The following SLC39A12 variants were observed in gnomAD, a reference collection of about 807,000 sequenced individuals.
SLC39A12 encodes the protein solute carrier family 39 member 12, also known as zinc transporter ZIP12.
In SLC39A12, 63 loss-of-function variants were observed where a neutral mutation model predicts 71.1. That is an observed-to-expected ratio of 0.89 (90% confidence interval 0.72 to 1.09). The LOEUF (loss-of-function observed/expected upper bound fraction) is 1.09. SLC39A12 is among the 50% of genes least tolerant of loss of function. SLC39A12 has a pLI of 0.00. For missense variants in SLC39A12, 892 were observed against 812.6 expected, an observed-to-expected ratio of 1.10 and a Z score of -1.19; for synonymous variants, 351 against 301.3, an observed-to-expected ratio of 1.16 and a Z score of -1.71.
intron 4 of SLC39A12, among the ~76,000 whole-genome samples, chr10:17,971,530 C>A (rs1182676578): frequency 2.0e-5 from 3 of 151,604 alleles, no homozygotes; most frequent in Non-Finnish European, 2.9e-5. Context: ...TTGGACTGTT[C>A]AGTTTTTGGA....
At chr10:17,997,990 T>C (rs1437325368) in intron 10 of SLC39A12, among the ~76,000 whole-genome samples, 1 of 152,214 alleles carries the variant, frequency 6.6e-6, no homozygotes, top group African/African-American at 2.4e-5. Flanking sequence ...ACTTGTCTTA[T>C]CTTCCACTAA....
In SLC39A12 at chr10:18,003,266, A is replaced by G. The variant is rs1306135886; in HGVS notation, c.1855A>G (p.Ile619Val). 1.2e-6 allele frequency: 2 copies of G among 1,614,010 alleles called. No individual in the cohort carries two copies. The highest frequency in any genetic ancestry group is 2.2e-5 in the East Asian group (1 of 44,876). Residue 619 changes from isoleucine (I) to valine (V), a missense_variant, in exon 12 of 13, where the codon ATT becomes GTT. Coordinates refer to ENST00000377369, the MANE Select transcript of SLC39A12 (RefSeq NM_001145195.2). Reference sequence around the variant, plus strand: ...CCTAACTGCCTTCATGGGATTATACATTGGCCTTTCCGTGTCAGCTGATCC... The same window carrying G: ...CCTAACTGCCTTCATGGGATTATACGTTGGCCTTTCCGTGTCAGCTGATCC... ...SSLTAFMGLY[I>V]GLSVSADPCV...
chr10:18,001,984 C>G (rs1178720892), intron 11 of SLC39A12: 1 of 150,590 alleles, frequency 6.6e-6, no homozygotes, highest in Non-Finnish European at 1.5e-5. Flanking sequence ...CCTTCCCCTA[C>G]CACCCCACTA....
chr10:18,005,359 C>G (rs1326799117), intron 12 of SLC39A12: 1 of 152,186 alleles, frequency 6.6e-6, no homozygotes, highest in African/African-American at 2.4e-5. Flanking sequence ...ACCACAGTCA[C>G]TCACCATTTA....
rs555035132 is a variant in SLC39A12 at position 17,968,325 on chromosome 10, G to A, written c.751+2635G>A. 5.9e-5 allele frequency among the ~76,000 whole-genome samples: 9 copies of A among 152,176 alleles called. No homozygotes were observed. The South Asian group carries it at 1.9e-3, about 32-fold the overall frequency. On this transcript the variant is annotated intron_variant, in intron 4 of 12. Transcript: ENST00000377369. ...TTATTATGTTTCTGACTTTGAAAGAGGAGCCCGTAGTATTTTCTCATTAAG... is the reference window on the plus strand; with the variant it reads ...TTATTATGTTTCTGACTTTGAAAGAAGAGCCCGTAGTATTTTCTCATTAAG...
Position 18,036,765 on chromosome 10 carries a change from TATATATATATATATATATATATATATA to T in SLC39A12, c.1948-5939_1948-5913del, listed in dbSNP as rs1564665861. Among the ~76,000 whole-genome samples, 23 of 15,404 alleles carry T rather than the reference TATATATATATATATATATATATATATA, an allele frequency of 1.5e-3. 1 individual carries two copies. Among genetic ancestry groups the T allele is most frequent in the Admixed American group, 4.6e-3 (7 of 1,518 alleles). The allele number at this position is 15,404 out of a possible 152,430, so 10.1% of individuals were successfully genotyped here. A position where few individuals can be genotyped will look rare whatever the true frequency, so the allele number is the denominator to read the frequency against. The stretch of plus-strand genomic sequence containing the variant: ...TAAAAATTATATATATATATATATA[TATATATATATATATATATATATATATA>T]TATTTTTTTTTTTAATGGAATCTCA... On this transcript the variant is annotated intron_variant, in intron 12 of 12. Transcript: ENST00000377369.
intron 2 of SLC39A12, 110 bp from the exon 3 acceptor site, chr10:17,961,471 C>T: frequency 4.6e-6 from 5 of 1,089,284 alleles, no homozygotes; most frequent in East Asian, 2.5e-5. Context: ...CCTGCTTTTC[C>T]TTTCTGTTTA....
At chr10:18,030,737 C>T (rs61842376) in intron 12 of SLC39A12, among the ~76,000 whole-genome samples, 4 of 149,312 alleles carry the variant, frequency 2.7e-5, no homozygotes, top group Middle Eastern at 3.4e-3. Flanking sequence ...GTGTGCTGCA[C>T]CCACTAACTC....
intron 12 of SLC39A12, among the ~76,000 whole-genome samples, chr10:18,018,822 G>A (rs571687486): frequency 1.7e-4 from 26 of 152,038 alleles, no homozygotes; most frequent in Non-Finnish European, 3.1e-4. Flanking sequence ...TTTGAGAAGC[G>A]TTGGTCTGTA....
chr10:18,010,393 T>C (rs370203639), intron 12 of SLC39A12: 13 of 152,202 alleles, frequency 8.5e-5, no homozygotes, highest in Admixed American at 2.6e-4. Context: ...ATGAGTTCCA[T>C]TGGCATCATT....
intron 8 of SLC39A12, among the ~76,000 whole-genome samples, chr10:17,991,650 T>C (rs1157150839): frequency 6.6e-6 from 1 of 150,556 alleles, no homozygotes; most frequent in Non-Finnish European, 1.5e-5. Context: ...ACAAAAACTT[T>C]GAAAACTCAC....
At chr10:18,003,458 A>C in intron 12 of SLC39A12, 100 bp downstream of exon 12, 3 of 1,085,500 alleles carry the variant, frequency 2.8e-6, no homozygotes, top group African/African-American at 1.6e-5. Context: ...GTAGAACAGA[A>C]GAATTTATAA....
chr10:18,036,775 TATA>T (rs1837047772), intron 12 of SLC39A12, among the ~76,000 whole-genome samples: 28 of 22,270 alleles, frequency 1.3e-3, no homozygotes, highest in African/African-American at 4.8e-3. Context: ...TATATATATA[TATA>T]TATATATATA....
At chr10:17,991,362 TC>T in intron 8 of SLC39A12, 59 bp downstream of exon 8, 1 of 1,383,600 alleles carries the variant, frequency 7.2e-7, no homozygotes, top group South Asian at 1.6e-5. Context: ...ATTCATCTGT[TC>T]CTTCACAAGT....
At chr10:17,989,434 G>A (rs1020053051) in intron 7 of SLC39A12, among the ~76,000 whole-genome samples, 4 of 152,168 alleles carry the variant, frequency 2.6e-5, no homozygotes, top group East Asian at 1.9e-4. Flanking sequence ...TCACAGCAGC[G>A]GTAGCAGAAT....
In SLC39A12 at chr10:18,042,900, C is replaced by T; in HGVS notation, c.*67C>T. The T allele has an allele frequency of 7.5e-7, 1 of 1,325,280 alleles. No individual in the cohort carries two copies. Among genetic ancestry groups the T allele is most frequent in the Non-Finnish European group, 1.0e-6 (1 of 991,626 alleles). The allele number at this position is 1,325,280 out of a possible 1,614,324, so 82.1% of individuals were successfully genotyped here. A position where few individuals can be genotyped will look rare whatever the true frequency, so the allele number is the denominator to read the frequency against. On this transcript the variant is annotated 3_prime_UTR_variant, in exon 13 of 13. Coordinates refer to ENST00000377369, the MANE Select transcript of SLC39A12 (RefSeq NM_001145195.2). ...CTTACTTTGTTTCTTTCATTGCACT[C>T]TATAATGATTTTTAAATTAAGAATT...
chr10:18,005,949 T>C (rs912837086), intron 12 of SLC39A12: 10 of 152,128 alleles, frequency 6.6e-5, no homozygotes, highest in South Asian at 4.1e-4. Flanking sequence ...CAAACGCAGC[T>C]CTTTCACATA....
intron 12 of SLC39A12, among the ~76,000 whole-genome samples, chr10:18,029,378 C>A (rs1436516940): frequency 6.6e-6 from 1 of 152,088 alleles, no homozygotes; most frequent in Non-Finnish European, 1.5e-5. Flanking sequence ...AACGGCAGGC[C>A]AAAGGGATGC....
intron 12 of SLC39A12, among the ~76,000 whole-genome samples, chr10:18,031,492 GTTGT>G (rs1298938244): frequency 1.6e-5 from 2 of 126,092 alleles, no homozygotes; most frequent in African/African-American, 2.9e-5. Context: ...TTTTGATGGG[GTTGT>G]TTGTTTTTTT....
Sources: gnomAD v4.1 joint callset for allele counts (sites outside exome capture counted in the v4.1 genomes callset) on GRCh38, gnomAD v4.1.1 for gene constraint, MANE v1.5 for transcripts, NCBI Gene and HGNC (gene_info 2026-07-23, HGNC 2026-07-21) for gene names.